ARHGAP30: variants seen among roughly 807,000 people sequenced by gnomAD.
ARHGAP30 encodes rho GTPase-activating protein 30.
ARHGAP30 carries 23 observed loss-of-function variants against 72.0 expected under a neutral mutation model. That is an observed-to-expected ratio of 0.32 (90% CI 0.23 to 0.45). ARHGAP30 has a LOEUF of 0.45. Ranked by LOEUF, ARHGAP30 falls within the 20% of genes least tolerant of loss-of-function variation. The probability of loss-of-function intolerance (pLI) is 1.00; values close to 1 mark genes in which losing one functional copy is unlikely to be tolerated. For synonymous variants in ARHGAP30, 576 were observed against 528.2 expected, an observed-to-expected ratio of 1.09 and a Z score of -1.24; for missense variants, 1,319 against 1,383.4, an observed-to-expected ratio of 0.95 and a Z score of 0.74.
chr1:161,055,032 A>T (rs12748157), intron 3 of ARHGAP30, among the ~76,000 whole-genome samples: 5 of 152,076 alleles, frequency 3.3e-5, no homozygotes, highest in Non-Finnish European at 7.4e-5. Flanking sequence ...GAGTTATTTC[A>T]GTGTGTCCAG....
rs536936363 is a variant in ARHGAP30, at chr1:161,060,762, C to A, written c.98-1046G>T. Among the ~76,000 whole-genome samples, 11 of 132,198 alleles carry A rather than the reference C, an allele frequency of 8.3e-5. No homozygotes were observed. The South Asian group carries it at 2.3e-3, about 28-fold the overall frequency. The allele number at this position is 132,198 out of a possible 152,430, so 86.7% of individuals were successfully genotyped here. On this transcript the variant is annotated intron_variant, in intron 1 of 11. Transcript: ENST00000368013. ...TGTTGCCCAGGCTGGAGTGCAGTGGCGCGATCTTTCCTTACTGCAACCTCC... is the reference window on the plus strand; with the variant it reads ...TGTTGCCCAGGCTGGAGTGCAGTGGAGCGATCTTTCCTTACTGCAACCTCC...
At chr1:161,066,799 C>T (rs561126424) in intron 1 of ARHGAP30, among the ~76,000 whole-genome samples, 1 of 152,122 alleles carries the variant, frequency 6.6e-6, no homozygotes, top group Non-Finnish European at 1.5e-5. Context: ...GTACCTACTC[C>T]CATTTTCTAG....
chr1:161,064,815 GAA>G (rs1242868982), intron 1 of ARHGAP30, among the ~76,000 whole-genome samples: 2 of 60,982 alleles, frequency 3.3e-5, no homozygotes, highest in African/African-American at 2.2e-4. Flanking sequence ...AAGAAAGAAA[GAA>G]AGAAAGAAAG....
At position 161,048,263 on chromosome 1, in the gene ARHGAP30, C is replaced by T. The variant is rs774114536; in HGVS notation, c.2758G>A (p.Val920Met). Residue 920 changes from valine to methionine, a missense_variant, in exon 12 of 12, where the codon GTG becomes ATG. This residue lies in a region of ARHGAP30 where 1,097 missense variants were observed against 1,045.2 expected (regional missense o/e 1.05). Transcript: ENST00000368013. ...LCPCSLGLGGVGMRLASTLVQ... is the reference protein window; with the variant it reads ...LCPCSLGLGGMGMRLASTLVQ... ...AGAGTGGAAGCTAGACGCATGCCCA[C>T]GCCACCCAGGCCAAGAGAACAGGGG... 24 of 1,614,180 alleles carry T rather than the reference C, an allele frequency of 1.5e-5. No homozygotes were observed. Among genetic ancestry groups the T allele is most frequent in the South Asian group, 2.2e-5 (2 of 91,084 alleles).
chr1:161,065,678 T>C (rs1211460455), intron 1 of ARHGAP30, among the ~76,000 whole-genome samples: 2 of 151,718 alleles, frequency 1.3e-5, no homozygotes, highest in Non-Finnish European at 2.9e-5. Flanking sequence ...GAGATTCTCC[T>C]GCCTCAGCCT....
chr1:161,052,864 CT>C, intron 6 of ARHGAP30, 67 bp from the exon 7 acceptor site: 1 of 1,559,120 alleles, frequency 6.4e-7, no homozygotes, highest in Non-Finnish European at 8.7e-7. Context: ...GCACCCAATC[CT>C]TCATCACCCC....
chr1:161,063,049 G>T (rs1652440059), intron 1 of ARHGAP30, among the ~76,000 whole-genome samples: 1 of 152,206 alleles, frequency 6.6e-6, no homozygotes, highest in African/African-American at 2.4e-5. Flanking sequence ...CCGACCTCAG[G>T]TGATCTGCCC....
chr1:161,048,754 T>C lies in ARHGAP30; in HGVS notation c.2267A>G (p.Glu756Gly). Residue 756 changes from glutamate (E) to glycine (G), a missense_variant, in exon 12 of 12, where the codon GAA (glutamate) becomes GGA (glycine). Physicochemically the swap from Glu to Gly is moderately conservative, Grantham distance 98 (BLOSUM62 -2). Coordinates refer to ENST00000368013, the MANE Select transcript of ARHGAP30 (RefSeq NM_001025598.2). ...TTCTACCTGGGCTTCCTCTCTTTGT[T>C]CATCCTCTTCTCTCTCAATTTCTTT... ...KEKEIEREED[E>G]QREEAQVEAG... 1 of 1,614,058 alleles carries C rather than the reference T, an allele frequency of 6.2e-7. No homozygotes were observed. The highest frequency in any genetic ancestry group is 8.5e-7 in the Non-Finnish European group (1 of 1,180,006).
rs372043615 is a variant in ARHGAP30, at chr1:161,051,677, T to C, written c.1057A>G (p.Ser353Gly). 1 of 1,612,470 alleles carries C rather than the reference T, an allele frequency of 6.2e-7. No individual in the cohort carries two copies. Among genetic ancestry groups the C allele is most frequent in the East Asian group, 2.2e-5 (1 of 44,884 alleles). Residue 353 changes from serine (S) to glycine (G), a missense_variant, in exon 10 of 12, where the codon AGC becomes GGC. Coordinates refer to ENST00000368013, the MANE Select transcript of ARHGAP30 (RefSeq NM_001025598.2). Reference protein sequence around the residue: ...GLVGPSSPRPSPLLPESLEND... With the variant: ...GLVGPSSPRPGPLLPESLEND... Reference sequence around the variant, plus strand: ...TCCAAGCTCTCAGGCAGCAATGGGCTTGGCCGGGGGCTGCTGGGCCCCACC... The same window carrying C: ...TCCAAGCTCTCAGGCAGCAATGGGCCTGGCCGGGGGCTGCTGGGCCCCACC...
rs1423527536 is a variant in ARHGAP30, at chr1:161,048,241, G to A, written c.2780C>T (p.Thr927Ile). 3.1e-6 allele frequency: 5 copies of A among 1,614,078 alleles called. No individual in the cohort carries two copies. The highest frequency in any genetic ancestry group is 2.7e-5 in the African/African-American group (2 of 74,918). ...GCGGACCTGTTGGACCTGAACCAGA[G>A]TGGAAGCTAGACGCATGCCCACGCC... ...LGGVGMRLAS[T>I]LVQVQQVRSV... Residue 927 changes from threonine (T) to isoleucine (I), a missense_variant, in exon 12 of 12, where the codon ACT (threonine) becomes ATT (isoleucine). By Grantham distance (89) the Thr-to-Ile change is moderately conservative (BLOSUM62 -1). Transcript: ENST00000368013.
chr1:161,050,509 A>G (rs372930904), intron 10 of ARHGAP30, among the ~76,000 whole-genome samples: 1 of 151,702 alleles, frequency 6.6e-6, no homozygotes, highest in Non-Finnish European at 1.5e-5. Flanking sequence ...GGGTTTCACC[A>G]TGTTGACCAG....
chr1:161,063,787 G>T (rs1190923075), intron 1 of ARHGAP30, among the ~76,000 whole-genome samples: 1 of 152,064 alleles, frequency 6.6e-6, no homozygotes, highest in Non-Finnish European at 1.5e-5. Context: ...CGCACCTAGG[G>T]GTAGGTCTCT....
chr1:161,049,041 G>A lies in ARHGAP30; in HGVS notation c.1980C>T (p.Asp660=). Residue 660 remains aspartate, a synonymous_variant, in exon 12 of 12, where the codon GAC becomes GAT. Transcript: ENST00000368013. The stretch of plus-strand genomic sequence containing the variant: ...GCCTGCCTCCAGGCTCAGCCTGCTT[G>A]TCCTCCCCAACTTCCCAGCATGCCT... ...EEQACWEVGE[D]KQAEPGGRLD... The A allele has an allele frequency of 6.2e-7, 1 of 1,613,872 alleles. No individual in the cohort carries two copies. The highest frequency in any genetic ancestry group is 1.1e-5 in the South Asian group (1 of 91,066).
Position 161,047,901 on chromosome 1 carries a change from A to C in ARHGAP30, c.3120T>G (p.Ser1040=), listed in dbSNP as rs753038627. ...IPRTSPCSMI[S]AHSPRPLSCL... ...AGCTAAGGGGCCGAGGAGAATGGGC[A>C]GAGATCATGCTACAAGGGGAGGTTC... The change falls in exon 12 of 12, where the codon TCT becomes TCG. Residue 1040 remains serine (S), a synonymous_variant. Transcript: ENST00000368013. 1 of 1,612,768 alleles carries C rather than the reference A, an allele frequency of 6.2e-7. No individual in the cohort carries two copies. The highest frequency in any genetic ancestry group is 1.7e-5 in the Admixed American group (1 of 59,848).
At chr1:161,051,742 G>C (rs1276210166) in intron 9 of ARHGAP30, 27 bp from the exon 10 acceptor site, 15 of 1,567,892 alleles carry the variant, frequency 9.6e-6, no homozygotes, top group African/African-American at 1.4e-5. Context: ...GGGCCAGGTA[G>C]GCAATAGCCT....
intron 1 of ARHGAP30, among the ~76,000 whole-genome samples, chr1:161,064,246 T>C (rs1276392063): frequency 6.6e-6 from 1 of 152,256 alleles, no homozygotes; most frequent in African/African-American, 2.4e-5. Flanking sequence ...TTTTGTACTC[T>C]GTCCTTTTAT....
intron 10 of ARHGAP30, 57 bp downstream of exon 10, chr1:161,051,257 C>T: frequency 6.6e-7 from 1 of 1,512,486 alleles, no homozygotes; most frequent in Non-Finnish European, 8.8e-7. Flanking sequence ...AGCATCAGAG[C>T]TTCAGCCTAG....
chr1:161,048,922 T>C lies in ARHGAP30; in HGVS notation c.2099A>G (p.Glu700Gly). The change falls in exon 12 of 12, where the codon GAG becomes GGG. Residue 700 changes from glutamate (E) to glycine (G), a missense_variant. Glu to Gly is a moderately conservative substitution (Grantham distance 98). Coordinates refer to ENST00000368013, the MANE Select transcript of ARHGAP30 (RefSeq NM_001025598.2). ...CCCTTCTCTCAATCTGACTTTTGTC[T>C]CTTGGCTTCCCCCAGCCTCCCCTCT... Reference protein sequence around the residue: ...EDRGEAGGSQETKVRLREGSR... With the variant: ...EDRGEAGGSQGTKVRLREGSR... The C allele has an allele frequency of 6.2e-7, 1 of 1,614,120 alleles. No individual in the cohort carries two copies. The highest frequency in any genetic ancestry group is 1.1e-5 in the South Asian group (1 of 91,086).
In ARHGAP30 at chr1:161,056,403, G is replaced by A; in HGVS notation, c.330C>T (p.Leu110=). 1 of 1,613,800 alleles carries A rather than the reference G, an allele frequency of 6.2e-7. No homozygotes were observed. The highest frequency in any genetic ancestry group is 8.5e-7 in the Non-Finnish European group (1 of 1,179,872). ...ELPDPLLTYR[L]YDKFAEAVGV... is the part of the protein sequence containing the mutation. ...CTCAACTCACAGCAAACTTGTCATAGAGCCGGTAAGTGAGCAGGGGATCCG... is the reference window on the plus strand; with the variant it reads ...CTCAACTCACAGCAAACTTGTCATAAAGCCGGTAAGTGAGCAGGGGATCCG... The change falls in exon 3 of 12, where the codon CTC becomes CTT. Residue 110 remains leucine, a synonymous_variant. Coordinates refer to ENST00000368013, the MANE Select transcript of ARHGAP30 (RefSeq NM_001025598.2).
Sources: allele counts gnomAD v4.1 joint callset (sites outside exome capture counted in the v4.1 genomes callset), GRCh38; gene constraint gnomAD v4.1.1; regional missense constraint gnomAD v4.1.1; transcripts MANE v1.5; gene names NCBI Gene and HGNC (gene_info 2026-07-23, HGNC 2026-07-21).